Variants in RPH3A observed in about 807,000 individuals in gnomAD.
RPH3A encodes rabphilin 3A, also known as rabphilin-3A.
A neutral mutation model predicts 102.2 loss-of-function variants in RPH3A; 48 were observed. That is an observed-to-expected ratio of 0.47 (90% CI 0.37 to 0.60). RPH3A has a LOEUF of 0.60. RPH3A is among the 20% of genes least tolerant of loss of function. RPH3A has a pLI of 0.00. For synonymous variants in RPH3A, 310 were observed against 324.3 expected, an observed-to-expected ratio of 0.96 and a Z score of 0.47; for missense variants, 781 against 910.1, an observed-to-expected ratio of 0.86 and a Z score of 1.83.
intron 1 of RPH3A, among the ~76,000 whole-genome samples, chr12:112,716,874 G>A (rs1295073921): frequency 6.6e-6 from 1 of 152,204 alleles, no homozygotes; most frequent in African/African-American, 2.4e-5. Context: ...TACACATTGG[G>A]CATATTCCCT....
chr12:112,618,770 A>T (rs1331543921), intron 1 of RPH3A, among the ~76,000 whole-genome samples: 1 of 152,210 alleles, frequency 6.6e-6, no homozygotes, highest in Non-Finnish European at 1.5e-5. Context: ...TAGTATGTTC[A>T]CAGGGTTGTA....
Position 112,885,029 on chromosome 12 carries a change from G to T in RPH3A, c.1436+1627G>T, listed in dbSNP as rs553656181. 2.6e-5 allele frequency among the ~76,000 whole-genome samples: 4 copies of T among 152,242 alleles called. No homozygotes were observed. In the South Asian group the frequency reaches 8.3e-4, roughly 32 times the overall value. On this transcript the variant is annotated intron_variant, in intron 16 of 21. Coordinates refer to ENST00000389385, the MANE Select transcript of RPH3A (RefSeq NM_001143854.2). The stretch of plus-strand genomic sequence containing the variant: ...ACATTTTACATGTGTATTCATCTAA[G>T]TTGTGTGTAGTTGTAGATCATTCTT...
intron 5 of RPH3A, among the ~76,000 whole-genome samples, chr12:112,861,289 G>A (rs560705596): frequency 1.3e-5 from 2 of 152,218 alleles, no homozygotes; most frequent in African/African-American, 2.4e-5. Context: ...TTTGTCAACC[G>A]CATGTTGAGG....
rs558492311 is a variant in RPH3A, at chr12:112,865,891, A to G, written c.360+348A>G. Among the ~76,000 whole-genome samples the G allele has an allele frequency of 7.9e-5, 12 of 152,326 alleles. No homozygotes were observed. In the South Asian group the frequency reaches 1.2e-3, roughly 16 times the overall value. ...TGTCAGTTTAAAGAGCATGCTAAGCACATGTTTATACTTGTGTGTATGTGG... is the reference window on the plus strand; with the variant it reads ...TGTCAGTTTAAAGAGCATGCTAAGCGCATGTTTATACTTGTGTGTATGTGG... On this transcript the variant is annotated intron_variant, in intron 6 of 21. Transcript: ENST00000389385.
At chr12:112,577,964 CAAGT>C (rs1220636352) in intron 1 of RPH3A, among the ~76,000 whole-genome samples, 7 of 152,146 alleles carry the variant, frequency 4.6e-5, no homozygotes, top group Admixed American at 4.6e-4. Context: ...GTAATTAACT[CAAGT>C]AAAGTAGAGA....
At position 112,837,303 on chromosome 12, in the gene RPH3A, G is replaced by C. The variant is rs150628951; in HGVS notation, c.83+801G>C. On this transcript the variant is annotated intron_variant, in intron 4 of 21. Transcript: ENST00000389385. The stretch of plus-strand genomic sequence containing the variant: ...CTCCTCACTGGCTGGTGGTGGGATC[G>C]AATGAGATGTTTGCAGGAAAGCTTT... Among the ~76,000 whole-genome samples the C allele has an allele frequency of 3.4e-3, 521 of 152,160 alleles. 5 individuals are homozygous for C. Among genetic ancestry groups the C allele is most frequent in the African/African-American group, 0.012 (500 of 41,496 alleles).
chr12:112,661,903 G>T (rs189359673), intron 1 of RPH3A, among the ~76,000 whole-genome samples: 2 of 152,120 alleles, frequency 1.3e-5, no homozygotes, highest in Non-Finnish European at 2.9e-5. Flanking sequence ...TTTTGGGTTG[G>T]TGGCCATCGC....
intron 5 of RPH3A, among the ~76,000 whole-genome samples, chr12:112,851,497 G>C (rs145064897): frequency 1.3e-5 from 2 of 152,282 alleles, no homozygotes; most frequent in African/African-American, 4.8e-5. Context: ...TTCCAAAGCT[G>C]CCAGAGCTAG....
At chr12:112,802,891 C>T (rs1389476103) in intron 2 of RPH3A, among the ~76,000 whole-genome samples, 3 of 152,164 alleles carry the variant, frequency 2.0e-5, no homozygotes, top group South Asian at 2.1e-4. Context: ...GTAACACCGA[C>T]GTTGCCTCTG....
intron 1 of RPH3A, among the ~76,000 whole-genome samples, chr12:112,706,643 T>C (rs1377502106): frequency 6.6e-6 from 1 of 152,194 alleles, no homozygotes; most frequent in African/African-American, 2.4e-5. Context: ...AGATGGTGGA[T>C]GGGTGGTCCT....
At position 112,809,234 on chromosome 12, in the gene RPH3A, T is replaced by C. The variant is rs111478806; in HGVS notation, c.-19+16971T>C. ...CTTGTGAAATATTTGAGGGCTGTTGTTTGGTATGTCAGTGGGGAGTTCATG... is the reference window on the plus strand; with the variant it reads ...CTTGTGAAATATTTGAGGGCTGTTGCTTGGTATGTCAGTGGGGAGTTCATG... On this transcript the variant is annotated intron_variant, in intron 2 of 21. Transcript: ENST00000389385. Among the ~76,000 whole-genome samples, 17 of 152,230 alleles carry C rather than the reference T, an allele frequency of 1.1e-4. 1 individual carries two copies. Among genetic ancestry groups the C allele is most frequent in the African/African-American group, 3.9e-4 (16 of 41,534 alleles).
intron 1 of RPH3A, among the ~76,000 whole-genome samples, chr12:112,587,773 G>A (rs2039449083): frequency 6.6e-6 from 1 of 152,188 alleles, no homozygotes; most frequent in Non-Finnish European, 1.5e-5. Context: ...CTAGAGCTGT[G>A]TTTAGTGCAC....
At chr12:112,722,431 T>C (rs927558006) in intron 1 of RPH3A, among the ~76,000 whole-genome samples, 2 of 152,240 alleles carry the variant, frequency 1.3e-5, no homozygotes, top group Admixed American at 1.3e-4. Flanking sequence ...CATCTGTACA[T>C]TCTAAGGAAT....
chr12:112,868,645 A>C, intron 8 of RPH3A, 50 bp downstream of exon 8: 1 of 1,580,192 alleles, frequency 6.3e-7, no homozygotes, highest in Non-Finnish European at 8.6e-7. Context: ...ATCTTAGCCA[A>C]CTGGTCTACC....
chr12:112,744,796 C>G (rs188597236), intron 1 of RPH3A, among the ~76,000 whole-genome samples: 1 of 152,178 alleles, frequency 6.6e-6, no homozygotes, highest in Non-Finnish European at 1.5e-5. Flanking sequence ...CCAGCCTTTA[C>G]TCTGTGCTCT....
In RPH3A at chr12:112,860,201, C is replaced by T. The variant is rs527610859; in HGVS notation, c.231-5213C>T. 6.6e-5 allele frequency among the ~76,000 whole-genome samples: 10 copies of T among 152,282 alleles called. 1 individual carries two copies. The South Asian group carries it at 2.1e-3, about 32-fold the overall frequency. Reference sequence around the variant, plus strand: ...GTTGGGGTCTTCCATGTTGTGGCTCCAGCATTTGAGCTGCAGGCAGGCTGC... The same window carrying T: ...GTTGGGGTCTTCCATGTTGTGGCTCTAGCATTTGAGCTGCAGGCAGGCTGC... On this transcript the variant is annotated intron_variant, in intron 5 of 21. Coordinates refer to ENST00000389385, the MANE Select transcript of RPH3A (RefSeq NM_001143854.2).
At chr12:112,639,429 A>T (rs1343512906) in intron 1 of RPH3A, among the ~76,000 whole-genome samples, 1 of 152,132 alleles carries the variant, frequency 6.6e-6, no homozygotes, top group Non-Finnish European at 1.5e-5. Flanking sequence ...TTCACTTATA[A>T]GTGGGAGCTG....
intron 1 of RPH3A, among the ~76,000 whole-genome samples, chr12:112,724,323 T>C (rs115262930): frequency 0.01 from 1,544 of 152,274 alleles, 22 homozygotes; most frequent in African/African-American, 0.034. Flanking sequence ...CCCCAACCTC[T>C]GAAAGTGCTG....
intron 1 of RPH3A, among the ~76,000 whole-genome samples, chr12:112,622,460 A>G (rs372730733): frequency 2.2e-4 from 21 of 97,210 alleles, no homozygotes. Context: ...GGGTATCAGC[A>G]ATGGAAGATG....
Sources: gnomAD v4.1 joint callset for allele counts (sites outside exome capture counted in the v4.1 genomes callset) on GRCh38, gnomAD v4.1.1 for gene constraint, MANE v1.5 for transcripts, NCBI Gene and HGNC (gene_info 2026-07-23, HGNC 2026-07-21) for gene names.